GNA14: variants seen among roughly 807,000 people sequenced by gnomAD.
GNA14 encodes guanine nucleotide-binding protein subunit alpha-14.
GNA14 carries 50 observed loss-of-function variants against 42.0 expected under a neutral mutation model. The observed-to-expected ratio is 1.19, with a 90% CI of 0.95 to 1.51. GNA14 has a LOEUF of 1.51. Among genes scored for constraint, GNA14 ranks in the 40% most tolerant of loss-of-function variants. The pLI is 0.00. For missense variants in GNA14, 473 were observed against 446.2 expected (o/e 1.06, Z -0.54); for synonymous variants, 173 against 163.1 (o/e 1.06, Z -0.46).
chr9:77,487,831 G>A (rs73651511), intron 2 of GNA14, among the ~76,000 whole-genome samples: 7,091 of 152,200 alleles, frequency 0.047, 386 homozygotes, highest in African/African-American at 0.14. Flanking sequence ...TCTCTTTTTA[G>A]AGTTTCAGTA....
chr9:77,611,859 A>C (rs1193176363), intron 1 of GNA14, among the ~76,000 whole-genome samples: 2 of 152,146 alleles, frequency 1.3e-5, no homozygotes, highest in Admixed American at 6.5e-5. Flanking sequence ...TTGGGTTTCT[A>C]CACTGACTTA....
At chr9:77,435,132 G>T (rs1402245709) in intron 2 of GNA14, among the ~76,000 whole-genome samples, 1 of 151,834 alleles carries the variant, frequency 6.6e-6, no homozygotes, top group Non-Finnish European at 1.5e-5. Flanking sequence ...GCCGAGGCGG[G>T]CCGATCACAA....
chr9:77,501,966 C>T (rs554278822), intron 2 of GNA14, among the ~76,000 whole-genome samples: 5 of 152,246 alleles, frequency 3.3e-5, no homozygotes, highest in Admixed American at 1.3e-4. Context: ...CTCAGCCTCC[C>T]AAAGTGCTGG....
rs10123898 is a variant in GNA14, at chr9:77,508,869, C to G, written c.309+20200G>C. On this transcript the variant is annotated intron_variant, in intron 2 of 6. Transcript: ENST00000341700. ...GCTCCTATTGGCCAATTTCCAGCAT[C>G]AAGGAGTATAATTTCTGGTAACATA... Among the ~76,000 whole-genome samples the G allele has an allele frequency of 8.4e-3, 1,272 of 152,160 alleles. 24 individuals carry two copies. Among genetic ancestry groups the G allele is most frequent in the African/African-American group, 0.029 (1,202 of 41,496 alleles).
chr9:77,507,422 A>T (rs1414565540), intron 2 of GNA14, among the ~76,000 whole-genome samples: 1 of 152,146 alleles, frequency 6.6e-6, no homozygotes, highest in Non-Finnish European at 1.5e-5. Flanking sequence ...TAAATCAATC[A>T]ATCCTCATTT....
At chr9:77,546,792 A>G (rs1361367056) in intron 1 of GNA14, among the ~76,000 whole-genome samples, 4 of 152,134 alleles carry the variant, frequency 2.6e-5, no homozygotes, top group African/African-American at 7.2e-5. Context: ...ACTCATCAAG[A>G]TGTCTCTCTA....
chr9:77,578,087 G>T (rs1291115835), intron 1 of GNA14, among the ~76,000 whole-genome samples: 2 of 118,772 alleles, frequency 1.7e-5, no homozygotes, highest in Non-Finnish European at 3.2e-5. Context: ...CCAACATGGT[G>T]AAATGGTGAA....
intron 2 of GNA14, among the ~76,000 whole-genome samples, chr9:77,461,588 C>T (rs1049958224): frequency 1.3e-5 from 2 of 152,058 alleles, no homozygotes; most frequent in Non-Finnish European, 2.9e-5. Context: ...AATGACAACA[C>T]GGGGATCCTA....
At chr9:77,527,541 G>A (rs1837459413) in intron 2 of GNA14, among the ~76,000 whole-genome samples, 1 of 152,190 alleles carries the variant, frequency 6.6e-6, no homozygotes, top group African/African-American at 2.4e-5. Flanking sequence ...TGTGTTTAAT[G>A]TGTGGCTCAA....
chr9:77,631,406 C>T (rs1180555870), intron 1 of GNA14, among the ~76,000 whole-genome samples: 1 of 143,980 alleles, frequency 6.9e-6, no homozygotes, highest in African/African-American at 2.6e-5. Context: ...TCTTGTATTA[C>T]AGAGAATCTG....
At chr9:77,453,782 G>C (rs941789268) in intron 2 of GNA14, among the ~76,000 whole-genome samples, 8 of 152,216 alleles carry the variant, frequency 5.3e-5, no homozygotes, top group African/African-American at 1.9e-4. Context: ...ATGGAGTGGG[G>C]AGGCCCGAAC....
chr9:77,483,444 A>G (rs1836599130), intron 2 of GNA14, among the ~76,000 whole-genome samples: 1 of 152,140 alleles, frequency 6.6e-6, no homozygotes, highest in Admixed American at 6.5e-5. Flanking sequence ...TTTGTGTCAG[A>G]GGAGTACCCG....
chr9:77,423,273 A>ACG lies in GNA14; in HGVS notation c.*704_*705dup, dbSNP rs909041324. ...GGGGTAAAAATGTACACACACACAC[A>ACG]CGTGCACACACACACATTTTTCACC... On this transcript the variant is annotated 3_prime_UTR_variant, in exon 7 of 7. Coordinates refer to ENST00000341700, the MANE Select transcript of GNA14 (RefSeq NM_004297.4). 2.0e-5 allele frequency: 3 copies of ACG among 150,864 alleles called. 1 individual carries two copies. The highest frequency in any genetic ancestry group is 4.2e-4 in the South Asian group (2 of 4,796). The allele number at this position is 150,864 out of a possible 1,614,324, so 9.3% of individuals were successfully genotyped here. A position where few individuals can be genotyped will look rare whatever the true frequency, so the allele number is the denominator to read the frequency against.
At chr9:77,596,654 A>G (rs1823472021) in intron 1 of GNA14, among the ~76,000 whole-genome samples, 1 of 152,162 alleles carries the variant, frequency 6.6e-6, no homozygotes, top group Non-Finnish European at 1.5e-5. Flanking sequence ...GAGAAAAAGG[A>G]AGTGTGAAAA....
At chr9:77,425,480 T>G in intron 6 of GNA14, 82 bp downstream of exon 6, 1 of 1,024,812 alleles carries the variant, frequency 9.8e-7, no homozygotes, top group Non-Finnish European at 1.4e-6. Context: ...GAGGCCCCTT[T>G]GAGCCGTGAT....
intron 2 of GNA14, among the ~76,000 whole-genome samples, chr9:77,464,502 T>C (rs1226787463): frequency 6.6e-6 from 1 of 151,806 alleles, no homozygotes; most frequent in Non-Finnish European, 1.5e-5. Flanking sequence ...CATTTTTTTC[T>C]TTCTTAATCT....
chr9:77,431,601 G>T (rs765563764), intron 3 of GNA14, 152 bp from the exon 4 acceptor site: 3 of 621,826 alleles, frequency 4.8e-6, no homozygotes, highest in Non-Finnish European at 8.4e-6. Context: ...GCCAGGCCAG[G>T]CTTCTCCATC....
chr9:77,525,130 T>C (rs1254012140), intron 2 of GNA14, among the ~76,000 whole-genome samples: 5 of 152,222 alleles, frequency 3.3e-5, no homozygotes, highest in African/African-American at 1.2e-4. Flanking sequence ...AGTTTATAAT[T>C]GAGCCACACT....
chr9:77,528,174 T>C (rs1281572675), intron 2 of GNA14, among the ~76,000 whole-genome samples: 1 of 152,136 alleles, frequency 6.6e-6, no homozygotes, highest in Non-Finnish European at 1.5e-5. Context: ...TGCCACAAGT[T>C]CATAATAAAG....
Sources: gnomAD v4.1 joint callset for allele counts (sites outside exome capture counted in the v4.1 genomes callset) on GRCh38, gnomAD v4.1.1 for gene constraint, MANE v1.5 for transcripts, NCBI Gene and HGNC (gene_info 2026-07-23, HGNC 2026-07-21) for gene names.